Variants in NPSR1 observed in about 807,000 individuals in gnomAD.
NPSR1 encodes neuropeptide S receptor.
In NPSR1, 48 loss-of-function variants were observed where a neutral mutation model predicts 46.9. The ratio of observed to expected loss-of-function variants is 1.02; its 90% CI spans 0.81 to 1.30. The LOEUF is 1.30. Among genes scored for constraint, NPSR1 ranks in the 50% most tolerant of loss-of-function variants. The pLI is 0.00. For synonymous variants in NPSR1, 176 were observed against 168.1 expected (o/e 1.05, Z -0.36); for missense variants, 450 against 449.5 (o/e 1.00, Z -0.01).
chr7:34,827,610 G>GC lies in NPSR1; in HGVS notation c.680+10dup. The GC allele has an allele frequency of 8.9e-7, 1 of 1,120,246 alleles. No homozygotes were observed. The allele number at this position is 1,120,246 out of a possible 1,614,324, so 69.4% of individuals were successfully genotyped here. A position where few individuals can be genotyped will look rare whatever the true frequency, so the allele number is the denominator to read the frequency against. ...CCCTCTGACAATCATCAGGTAAGAA[G>GC]CCGTCAGGACAGGACCACACGGGGG... On this transcript the variant is annotated intron_variant, in intron 5 of 8. Coordinates refer to ENST00000360581, the MANE Select transcript of NPSR1 (RefSeq NM_207172.2).
intron 6 of NPSR1, among the ~76,000 whole-genome samples, chr7:34,838,209 C>T (rs888914080): frequency 6.6e-6 from 1 of 152,156 alleles, no homozygotes; most frequent in Non-Finnish European, 1.5e-5. Context: ...CCAGTCCTTG[C>T]ACTCTTGGGC....
intron 2 of NPSR1, among the ~76,000 whole-genome samples, chr7:34,703,592 A>G (rs1049597008): frequency 9.2e-5 from 14 of 152,064 alleles, no homozygotes; most frequent in African/African-American, 3.4e-4. Flanking sequence ...ACTTCTCCAC[A>G]ATTTTGATCC....
At chr7:34,807,290 T>C (rs1420066022) in intron 3 of NPSR1, among the ~76,000 whole-genome samples, 1 of 152,198 alleles carries the variant, frequency 6.6e-6, no homozygotes, top group Non-Finnish European at 1.5e-5. Context: ...TCGCCAATTT[T>C]TGAAATGTCT....
At chr7:34,765,332 A>G (rs934150343) in intron 2 of NPSR1, among the ~76,000 whole-genome samples, 11 of 152,236 alleles carry the variant, frequency 7.2e-5, no homozygotes, top group African/African-American at 2.4e-4. Context: ...ACATGACTCC[A>G]ATGTTGGAGC....
chr7:34,750,427 A>C (rs1032212847), intron 2 of NPSR1: 3 of 744,812 alleles, frequency 4.0e-6, no homozygotes, highest in Non-Finnish European at 7.6e-6. Context: ...GGGTAGTACG[A>C]CGGGGCTCTG....
At chr7:34,791,742 G>C (rs940986681) in intron 3 of NPSR1, among the ~76,000 whole-genome samples, 2 of 152,086 alleles carry the variant, frequency 1.3e-5, no homozygotes, top group Non-Finnish European at 2.9e-5. Context: ...AGAATTGCCA[G>C]TGTTAACTTG....
At chr7:34,754,371 C>A (rs913327527) in intron 2 of NPSR1, among the ~76,000 whole-genome samples, 2 of 152,040 alleles carry the variant, frequency 1.3e-5, no homozygotes, top group African/African-American at 2.4e-5. Context: ...GAGAAGGGTG[C>A]CTTTCTTAAT....
At position 34,681,522 on chromosome 7, in the gene NPSR1, G is replaced by T. The variant is rs377194467; in HGVS notation, c.148-3030G>T. Among the ~76,000 whole-genome samples the T allele has an allele frequency of 6.6e-5, 10 of 152,320 alleles. No individual in the cohort carries two copies. The South Asian group carries it at 2.1e-3, about 32-fold the overall frequency. On this transcript the variant is annotated intron_variant, in intron 1 of 8. Transcript: ENST00000360581. ...TCTCCCACGTGGATGAACAGCAGCA[G>T]CGGAAGAGATAGATAGCACCTCTTT...
At chr7:34,700,222 TGGAAGGAAGGAA>T (rs569169881) in intron 2 of NPSR1, among the ~76,000 whole-genome samples, 2 of 151,834 alleles carry the variant, frequency 1.3e-5, no homozygotes, top group South Asian at 2.1e-4. Context: ...ACAACAGAGC[TGGAAGGAAGGAA>T]GGAAGGAAGG....
At chr7:34,673,976 G>A (rs1458535) in intron 1 of NPSR1, among the ~76,000 whole-genome samples, 45,561 of 151,972 alleles carry the variant, frequency 0.3, 8,279 homozygotes, top group African/African-American at 0.52. Context: ...TTTGCAAGCA[G>A]GCCTCCCAGT....
In NPSR1 at chr7:34,778,471, C is replaced by T. The variant is rs1562720134; in HGVS notation, c.290C>T (p.Thr97Ile). The change falls in exon 3 of 9, where the codon ACA becomes ATA. Residue 97 changes from threonine to isoleucine, a missense_variant. Physicochemically the swap from Thr to Ile is moderately conservative, Grantham distance 89. Transcript: ENST00000360581. The stretch of plus-strand genomic sequence containing the variant: ...TGTACGTTTTTGTTAGATTCTTTCA[C>T]AGGACTGGTCAACATCTTGACAGAT... ...VTQLAITDSF[T>I]GLVNILTDIN... is the part of the protein sequence containing the mutation. 10 of 1,595,424 alleles carry T rather than the reference C, an allele frequency of 6.3e-6. No homozygotes were observed. The East Asian group carries it at 6.7e-5, about 11-fold the overall frequency.
chr7:34,853,997 A>G (rs944765499), downstream of NPSR1, among the ~76,000 whole-genome samples: 1 of 150,806 alleles, frequency 6.6e-6, no homozygotes, highest in Admixed American at 6.6e-5. Flanking sequence ...CAAAAAAAAC[A>G]TTATTACGCA....
chr7:34,773,050 C>T (rs1009707869), intron 2 of NPSR1, among the ~76,000 whole-genome samples: 14 of 152,084 alleles, frequency 9.2e-5, no homozygotes, highest in African/African-American at 3.4e-4. Context: ...TTGAAGAGCA[C>T]AGAGGTGCAG....
chr7:34,783,000 C>G (rs1281306968), intron 3 of NPSR1, among the ~76,000 whole-genome samples: 1 of 151,854 alleles, frequency 6.6e-6, no homozygotes, highest in African/African-American at 2.4e-5. Flanking sequence ...AATAAATGCA[C>G]TAGACAGCAT....
chr7:34,868,215 G>A (rs1791364332), intron 8 of NPSR1, among the ~76,000 whole-genome samples: 1 of 151,652 alleles, frequency 6.6e-6, no homozygotes, highest in African/African-American at 2.4e-5. Context: ...ATAGCCAAAA[G>A]TGAGAGTTAG....
chr7:34,790,615 A>C (rs1246054246), intron 3 of NPSR1, among the ~76,000 whole-genome samples: 1 of 148,276 alleles, frequency 6.7e-6, no homozygotes, highest in African/African-American at 2.5e-5. Context: ...ACCTGATCCT[A>C]CATATATATA....
chr7:34,696,189 A>G (rs1245190274), intron 2 of NPSR1, among the ~76,000 whole-genome samples: 1 of 152,108 alleles, frequency 6.6e-6, no homozygotes. Flanking sequence ...GCTAGAAGCC[A>G]TTATACTAAG....
At chr7:34,674,312 C>T (rs1478256052) in intron 1 of NPSR1, among the ~76,000 whole-genome samples, 1 of 152,206 alleles carries the variant, frequency 6.6e-6, no homozygotes, top group Non-Finnish European at 1.5e-5. Flanking sequence ...TTCAGGAACA[C>T]AGAACTTTGC....
intron 1 of NPSR1, among the ~76,000 whole-genome samples, chr7:34,680,722 G>A (rs1291861053): frequency 3.9e-5 from 6 of 152,068 alleles, no homozygotes; most frequent in African/African-American, 1.4e-4. Context: ...TCACAAGAAC[G>A]AATATTGCAA....
Sources: gnomAD v4.1 joint callset for allele counts (sites outside exome capture counted in the v4.1 genomes callset) on GRCh38, gnomAD v4.1.1 for gene constraint, MANE v1.5 for transcripts, NCBI Gene and HGNC (gene_info 2026-07-23, HGNC 2026-07-21) for gene names.